PDSS2: variants seen among roughly 807,000 people sequenced by gnomAD.
PDSS2 encodes the protein all trans-polyprenyl-diphosphate synthase PDSS2.
A neutral mutation model predicts 44.5 loss-of-function variants in PDSS2; 31 were observed. The ratio of observed to expected loss-of-function variants is 0.70; its 90% confidence interval spans 0.52 to 0.94. The LOEUF (loss-of-function observed/expected upper bound fraction) is 0.94. Among genes scored for constraint, PDSS2 ranks in the 40% least tolerant of loss-of-function variants. The pLI is 0.00. For missense variants in PDSS2, 452 were observed against 482.2 expected, an observed-to-expected ratio of 0.94 and a Z score of 0.59; for synonymous variants, 157 against 180.3, an observed-to-expected ratio of 0.87 and a Z score of 1.03.
intron 3 of PDSS2, among the ~76,000 whole-genome samples, chr6:107,246,811 T>C (rs1050410656): frequency 1.3e-5 from 2 of 152,242 alleles, no homozygotes; most frequent in African/African-American, 4.8e-5. Flanking sequence ...AGGCATATTT[T>C]TTTCCTAGCT....
chr6:107,374,253 CAAAAAA>C (rs3033569), intron 1 of PDSS2, among the ~76,000 whole-genome samples: 1 of 70,568 alleles, frequency 1.4e-5, no homozygotes, highest in Non-Finnish European at 2.4e-5. Flanking sequence ...GACTCCATCA[CAAAAAA>C]AAAAAAAAAA....
At chr6:107,411,775 T>C (rs1780501243) in intron 1 of PDSS2, among the ~76,000 whole-genome samples, 1 of 152,130 alleles carries the variant, frequency 6.6e-6, no homozygotes, top group Non-Finnish European at 1.5e-5. Flanking sequence ...TACTTCATTT[T>C]ATATAACGGA....
At chr6:107,179,429 C>T (rs985377542) in intron 7 of PDSS2, among the ~76,000 whole-genome samples, 2 of 151,972 alleles carry the variant, frequency 1.3e-5, no homozygotes, top group Admixed American at 1.3e-4. Flanking sequence ...TATAGGTGCC[C>T]GCCATTACGC....
chr6:107,295,784 T>G (rs1776490607), intron 2 of PDSS2, among the ~76,000 whole-genome samples: 1 of 152,208 alleles, frequency 6.6e-6, no homozygotes, highest in Non-Finnish European at 1.5e-5. Flanking sequence ...ATAAATGGTC[T>G]TTTATTCCTT....
chr6:107,277,680 C>T (rs1022021846), intron 2 of PDSS2, among the ~76,000 whole-genome samples: 15 of 152,214 alleles, frequency 9.9e-5, no homozygotes, highest in Middle Eastern at 3.4e-3. Context: ...AGGCCAGGCG[C>T]GGTGGCTCAG....
intron 6 of PDSS2, among the ~76,000 whole-genome samples, chr6:107,209,709 C>T (rs372612201): frequency 6.1e-4 from 92 of 152,014 alleles, no homozygotes; most frequent in Non-Finnish European, 1.2e-3. Context: ...TGAGCCACTG[C>T]GCCCACCCAT....
At chr6:107,349,144 C>A (rs1778348899) in intron 1 of PDSS2, among the ~76,000 whole-genome samples, 1 of 152,156 alleles carries the variant, frequency 6.6e-6, no homozygotes, top group Non-Finnish European at 1.5e-5. Context: ...ATATAAATTA[C>A]AAATAAGGCC....
intron 7 of PDSS2, among the ~76,000 whole-genome samples, chr6:107,167,636 C>T (rs570564796): frequency 2.0e-5 from 3 of 152,322 alleles, no homozygotes; most frequent in Admixed American, 6.5e-5. Context: ...TTTCCTTCTA[C>T]ACACTGCTTT....
At chr6:107,256,906 G>T (rs1775041841) in intron 3 of PDSS2, among the ~76,000 whole-genome samples, 1 of 151,976 alleles carries the variant, frequency 6.6e-6, no homozygotes, top group South Asian at 2.1e-4. Context: ...AAGAGGCCAG[G>T]CGTGGTGGCT....
chr6:107,256,831 C>T (rs1775039155), intron 3 of PDSS2, among the ~76,000 whole-genome samples: 2 of 151,782 alleles, frequency 1.3e-5, no homozygotes, highest in Admixed American at 6.6e-5. Flanking sequence ...AGTTTGAGAC[C>T]AGCCTGGGCA....
chr6:107,402,144 G>A (rs1427533171), intron 1 of PDSS2, among the ~76,000 whole-genome samples: 1 of 151,830 alleles, frequency 6.6e-6, no homozygotes, highest in Non-Finnish European at 1.5e-5. Flanking sequence ...GCCAGCTGTG[G>A]TGGTGGGTGC....
chr6:107,370,226 C>T (rs531765356), intron 1 of PDSS2, among the ~76,000 whole-genome samples: 4 of 152,228 alleles, frequency 2.6e-5, no homozygotes, highest in African/African-American at 4.8e-5. Context: ...AACACTTTAC[C>T]GAATCATCAT....
chr6:107,294,721 T>C (rs976096073), intron 2 of PDSS2, among the ~76,000 whole-genome samples: 3 of 152,184 alleles, frequency 2.0e-5, no homozygotes, highest in Non-Finnish European at 2.9e-5. Flanking sequence ...GATAAGAAAA[T>C]GGAAATTCAG....
At chr6:107,453,892 G>T (rs1433122340) in intron 1 of PDSS2, among the ~76,000 whole-genome samples, 1 of 152,008 alleles carries the variant, frequency 6.6e-6, no homozygotes, top group Non-Finnish European at 1.5e-5. Context: ...TCCTTCAATG[G>T]AGTCCCAATT....
At chr6:107,443,567 T>C (rs1243270458) in intron 1 of PDSS2, among the ~76,000 whole-genome samples, 2 of 152,244 alleles carry the variant, frequency 1.3e-5, no homozygotes, top group African/African-American at 4.8e-5. Context: ...TCTGTTTGTT[T>C]ACAGTGGAAG....
chr6:107,163,717 C>T (rs1395943139), intron 7 of PDSS2, among the ~76,000 whole-genome samples: 2 of 152,022 alleles, frequency 1.3e-5, no homozygotes, highest in African/African-American at 2.4e-5. Flanking sequence ...ATTCTCCTGC[C>T]TCAGCCTCCT....
chr6:107,406,335 G>T (rs1248177889), intron 1 of PDSS2, among the ~76,000 whole-genome samples: 1 of 152,050 alleles, frequency 6.6e-6, no homozygotes, highest in Non-Finnish European at 1.5e-5. Context: ...TACTGTTTTA[G>T]ATCCAGTTAA....
intron 2 of PDSS2, among the ~76,000 whole-genome samples, chr6:107,325,601 G>T (rs1777520520): frequency 6.6e-6 from 1 of 152,038 alleles, no homozygotes; most frequent in Non-Finnish European, 1.5e-5. Flanking sequence ...TGTAGTTTAT[G>T]CATTTTCACA....
chr6:107,227,278 C>CTTGTTTTTTTTTTTTTTT, intron 4 of PDSS2, among the ~76,000 whole-genome samples: 1 of 102,818 alleles, frequency 9.7e-6, no homozygotes, highest in East Asian at 2.7e-4. Flanking sequence ...CCACTGTGCC[C>CTTGTTTTTTTTTTTTTTT]TTTTTTTTTT....
Sources: allele counts gnomAD v4.1 joint callset (sites outside exome capture counted in the v4.1 genomes callset), GRCh38; gene constraint gnomAD v4.1.1; transcripts MANE v1.5; gene names NCBI Gene and HGNC (gene_info 2026-07-23, HGNC 2026-07-21).